PDE1A: variants seen among roughly 807,000 people sequenced by gnomAD.
The protein encoded by PDE1A is phosphodiesterase 1A, also known as dual specificity calcium/calmodulin-dependent 3',5'-cyclic nucleotide phosphodiesterase 1A.
In PDE1A, 35 loss-of-function variants were observed where a neutral mutation model predicts 61.7. The ratio of observed to expected loss-of-function variants is 0.57; its 90% CI spans 0.43 to 0.75. The LOEUF (loss-of-function observed/expected upper bound fraction) is 0.75. Ranked by LOEUF, PDE1A falls within the 30% of genes least tolerant of loss-of-function variation. PDE1A has a pLI of 0.00. For missense variants in PDE1A, 597 were observed against 630.6 expected, an observed-to-expected ratio of 0.95 and a Z score of 0.57; for synonymous variants, 232 against 213.2, an observed-to-expected ratio of 1.09 and a Z score of -0.77.
intron 1 of PDE1A, among the ~76,000 whole-genome samples, chr2:182,342,048 G>A (rs1698219824): frequency 1.3e-5 from 2 of 151,996 alleles, no homozygotes; most frequent in Admixed American, 1.3e-4. Context: ...GGATTAACAG[G>A]CATGAGCCAC....
chr2:182,461,627 G>A (rs372865761), intron 2 of PDE1A, among the ~76,000 whole-genome samples: 7 of 152,100 alleles, frequency 4.6e-5, no homozygotes, highest in East Asian at 1.9e-4. Flanking sequence ...CTGTAACAGC[G>A]TCCTGTATGT....
chr2:182,431,195 T>C (rs1278572962), upstream of PDE1A, among the ~76,000 whole-genome samples: 6 of 150,146 alleles, frequency 4.0e-5, no homozygotes, highest in African/African-American at 1.2e-4. Context: ...AAATTAAAGC[T>C]AGCCTTGTGT....
chr2:182,310,599 T>C (rs1476235425), intron 1 of PDE1A, among the ~76,000 whole-genome samples: 1 of 152,180 alleles, frequency 6.6e-6, no homozygotes, highest in African/African-American at 2.4e-5. Context: ...GAGATGTATT[T>C]AACGCAAATT....
At chr2:182,462,542 G>GA (rs1245736429) in intron 2 of PDE1A, among the ~76,000 whole-genome samples, 7 of 151,188 alleles carry the variant, frequency 4.6e-5, no homozygotes, top group East Asian at 3.9e-4. Flanking sequence ...ATGAAGAAGG[G>GA]AAAAAAAAGG....
At chr2:182,189,785 C>G (rs983509900) in intron 10 of PDE1A, among the ~76,000 whole-genome samples, 1 of 152,118 alleles carries the variant, frequency 6.6e-6, no homozygotes, top group Non-Finnish European at 1.5e-5. Flanking sequence ...CTGGTCAAAC[C>G]TCTAATATCA....
intron 1 of PDE1A, among the ~76,000 whole-genome samples, chr2:182,356,199 C>T (rs767096020): frequency 1.5e-4 from 23 of 151,996 alleles, no homozygotes; most frequent in Non-Finnish European, 2.9e-4. Flanking sequence ...AATCCCAGCA[C>T]TTTGGGAGGC....
At chr2:182,264,937 T>C (rs1460052812) in intron 1 of PDE1A, among the ~76,000 whole-genome samples, 1 of 141,258 alleles carries the variant, frequency 7.1e-6, no homozygotes, top group Non-Finnish European at 1.5e-5. Flanking sequence ...TAAAAAGGAA[T>C]AAAATAGTGT....
chr2:182,673,992 A>ATATATATATATG, the PDE1A span, among the ~76,000 whole-genome samples: 60 of 17,892 alleles, frequency 3.4e-3, no homozygotes, highest in African/African-American at 5.7e-3. Context: ...ATAACTTCAT[A>ATATATATATATG]TATATATATA....
the PDE1A span, among the ~76,000 whole-genome samples, chr2:182,644,420 C>T: frequency 2.0e-5 from 3 of 151,884 alleles, no homozygotes; most frequent in South Asian, 2.1e-4. Flanking sequence ...TAAGTTCAAA[C>T]ATTCATCAGG....
At chr2:182,214,461 C>T (rs1687973390) in intron 7 of PDE1A, among the ~76,000 whole-genome samples, 2 of 151,826 alleles carry the variant, frequency 1.3e-5, no homozygotes, top group African/African-American at 4.8e-5. Context: ...TGAAAAGACA[C>T]AGACTGGCAA....
chr2:182,389,944 A>G (rs1359074886), intron 1 of PDE1A, among the ~76,000 whole-genome samples: 1 of 152,172 alleles, frequency 6.6e-6, no homozygotes, highest in Non-Finnish European at 1.5e-5. Flanking sequence ...GCTTGGACTT[A>G]CACGGGCGGT....
At chr2:182,663,911 A>G in the PDE1A span, among the ~76,000 whole-genome samples, 2 of 152,176 alleles carry the variant, frequency 1.3e-5, no homozygotes, top group Non-Finnish European at 2.9e-5. Context: ...ATTTTTGAAC[A>G]TTAAGAGTCC....
intron 2 of PDE1A, among the ~76,000 whole-genome samples, chr2:182,247,667 A>G (rs142353919): frequency 6.6e-6 from 1 of 152,326 alleles, no homozygotes; most frequent in Admixed American, 6.5e-5. Flanking sequence ...ATAATGTAAT[A>G]TGGACTAGTC....
intron 2 of PDE1A, among the ~76,000 whole-genome samples, chr2:182,436,372 A>AT (rs1207932193): frequency 4.6e-5 from 7 of 151,838 alleles, no homozygotes; most frequent in African/African-American, 1.7e-4. Context: ...TTGTACTTTT[A>AT]TTTTATTAAA....
In PDE1A at chr2:182,184,369, A is replaced by G. The variant is rs115471792; in HGVS notation, c.1516+1523T>C. On this transcript the variant is annotated intron_variant, in intron 13 of 13. Coordinates refer to ENST00000351439, the Ensembl canonical transcript of PDE1A. The stretch of plus-strand genomic sequence containing the variant: ...ACTCAGTACATACAAGGAAGCAACA[A>G]TACAATTTATTTTTGGCCAACACTA... Among the ~76,000 whole-genome samples, 634 of 152,292 alleles carry G rather than the reference A, an allele frequency of 4.2e-3. 9 individuals are homozygous for G. Among genetic ancestry groups the G allele is most frequent in the African/African-American group, 0.014 (597 of 41,572 alleles).
intron 2 of PDE1A, among the ~76,000 whole-genome samples, chr2:182,472,954 T>A (rs903054187): frequency 7.3e-5 from 11 of 151,488 alleles, no homozygotes; most frequent in Non-Finnish European, 1.2e-4. Flanking sequence ...TTTTTTTTTT[T>A]AAATTTTTTA....
At chr2:182,388,389 C>A (rs1701239764) in intron 1 of PDE1A, among the ~76,000 whole-genome samples, 1 of 152,276 alleles carries the variant, frequency 6.6e-6, no homozygotes, top group South Asian at 2.1e-4. Context: ...CTCAACTGCA[C>A]ACAAAACATT....
the PDE1A span, among the ~76,000 whole-genome samples, chr2:182,534,368 C>T: frequency 2.6e-5 from 4 of 152,012 alleles, no homozygotes; most frequent in African/African-American, 9.6e-5. Context: ...GCATAGAAAA[C>T]ATATTGGGTC....
chr2:182,477,520 T>C (rs1471573919), intron 2 of PDE1A, among the ~76,000 whole-genome samples: 1 of 151,852 alleles, frequency 6.6e-6, no homozygotes, highest in African/African-American at 2.4e-5. Flanking sequence ...TCTGGTGTGC[T>C]TGGCTTCAAA....
Sources: gnomAD v4.1 joint callset for allele counts (sites outside exome capture counted in the v4.1 genomes callset) on GRCh38, gnomAD v4.1.1 for gene constraint, MANE v1.5 for transcripts, NCBI Gene and HGNC (gene_info 2026-07-23, HGNC 2026-07-21) for gene names.